The following PLEKHA1 variants were observed in gnomAD, a reference collection of about 807,000 sequenced individuals.
PLEKHA1 encodes pleckstrin homology domain-containing family A member 1.
A neutral mutation model predicts 52.0 loss-of-function variants in PLEKHA1; 34 were observed. The ratio of observed to expected loss-of-function variants is 0.65; its 90% CI spans 0.50 to 0.87. The LOEUF (loss-of-function observed/expected upper bound fraction) is 0.87, where lower values mean the gene tolerates loss of function less well. Ranked by LOEUF, PLEKHA1 falls within the 40% of genes least tolerant of loss-of-function variation. The pLI, the probability that PLEKHA1 is intolerant of heterozygous loss-of-function variation, is 0.00. For missense variants in PLEKHA1, 497 were observed against 504.2 expected (o/e 0.99, Z 0.14); for synonymous variants, 163 against 170.7 (o/e 0.95, Z 0.35).
chr10:122,417,347 A>G (rs77631193), intron 7 of PLEKHA1, among the ~76,000 whole-genome samples: 2 of 151,838 alleles, frequency 1.3e-5, no homozygotes, highest in African/African-American at 2.4e-5. Context: ...AAAAAGTTTC[A>G]ACATTAAAAA....
intron 3 of PLEKHA1, among the ~76,000 whole-genome samples, chr10:122,399,276 G>T (rs527318788): frequency 2.6e-4 from 40 of 152,250 alleles, no homozygotes; most frequent in Middle Eastern, 3.4e-3. Flanking sequence ...CCTTTTGAAG[G>T]TGCAAAACGG....
chr10:122,402,024 T>A (rs1425602364), intron 4 of PLEKHA1, among the ~76,000 whole-genome samples: 1 of 152,214 alleles, frequency 6.6e-6, no homozygotes, highest in Non-Finnish European at 1.5e-5. Context: ...ATTATAATTT[T>A]GGTTACGAAA....
intron 4 of PLEKHA1, among the ~76,000 whole-genome samples, chr10:122,401,319 TTTTG>T (rs781772067): frequency 1.2e-4 from 18 of 151,596 alleles, no homozygotes; most frequent in East Asian, 3.9e-4. Flanking sequence ...TGAAGGAGGG[TTTTG>T]TTTGTTTGTT....
At chr10:122,388,419 T>C (rs1055999562) in intron 1 of PLEKHA1, among the ~76,000 whole-genome samples, 1 of 152,212 alleles carries the variant, frequency 6.6e-6, no homozygotes, top group Non-Finnish European at 1.5e-5. Flanking sequence ...TTCCACCTTT[T>C]GGCTATTTGT....
chr10:122,441,233 G>A, the PLEKHA1 span: 1 of 152,212 alleles, frequency 6.6e-6, no homozygotes, highest in Non-Finnish European at 1.5e-5. Flanking sequence ...ACTTTGGGAA[G>A]CCGAGGCGAG....
intron 1 of PLEKHA1, among the ~76,000 whole-genome samples, chr10:122,388,654 T>TA (rs1202946677): frequency 3.3e-5 from 5 of 152,212 alleles, no homozygotes; most frequent in Non-Finnish European, 7.3e-5. Flanking sequence ...GCATTATATG[T>TA]AAAAAATGTA....
chr10:122,391,083 T>A, intron 1 of PLEKHA1, among the ~76,000 whole-genome samples: 1 of 152,096 alleles, frequency 6.6e-6, no homozygotes, highest in Non-Finnish European at 1.5e-5. Flanking sequence ...TGACCATTTG[T>A]TTATCTTCTT....
intron 5 of PLEKHA1, among the ~76,000 whole-genome samples, chr10:122,410,457 A>C (rs545876096): frequency 1.3e-5 from 2 of 152,298 alleles, no homozygotes; most frequent in Admixed American, 1.3e-4. Flanking sequence ...GGTTTGGGGC[A>C]GGGGTGTGTC....
At chr10:122,394,293 G>A (rs117835675) in intron 2 of PLEKHA1, among the ~76,000 whole-genome samples, 4,193 of 151,900 alleles carry the variant, frequency 0.028, 202 homozygotes, top group Admixed American at 0.14. Flanking sequence ...CCAGGCTGGT[G>A]TTGAACTCCT....
chr10:122,428,453 C>G, intron 11 of PLEKHA1: 2 of 1,379,708 alleles, frequency 1.4e-6, no homozygotes, highest in Non-Finnish European at 1.9e-6. Context: ...TTGCAGTTAT[C>G]ATAACTGATT....
intron 2 of PLEKHA1, among the ~76,000 whole-genome samples, chr10:122,395,402 C>A (rs2096836720): frequency 6.6e-6 from 1 of 152,058 alleles, no homozygotes; most frequent in South Asian, 2.1e-4. Flanking sequence ...CTTGGTGTCA[C>A]TTTTAAATGT....
intron 7 of PLEKHA1, among the ~76,000 whole-genome samples, chr10:122,416,670 AT>A (rs1463141832): frequency 6.6e-6 from 1 of 152,212 alleles, no homozygotes; most frequent in Admixed American, 6.5e-5. Context: ...AAATTTACCA[AT>A]ATTTCTAAGG....
At chr10:122,433,544 A>T (rs991036945), downstream of PLEKHA1, 1 of 151,272 alleles carries the variant, frequency 6.6e-6, no homozygotes, top group African/African-American at 2.4e-5. Flanking sequence ...TTTTTTTCTC[A>T]GTCTTTTTCT....
In PLEKHA1 at chr10:122,383,325, T is replaced by C. The variant is rs201041298; in HGVS notation, c.-21+8519T>C. ...TTTCTTTCTTTCTGTTTTTTTTTTT[T>C]CTTTTTTTTTTTTAGAATGGGTCTT... is the stretch of plus-strand genomic sequence containing the variant. On this transcript the variant is annotated intron_variant, in intron 1 of 11. Transcript: ENST00000368990. Among the ~76,000 whole-genome samples, 680 of 106,246 alleles carry C rather than the reference T, an allele frequency of 6.4e-3. 4 individuals are homozygous for C. Among genetic ancestry groups the C allele is most frequent in the Non-Finnish European group, 0.011 (451 of 42,064 alleles). 69.7% of individuals were successfully genotyped at this position (106,246 alleles called of 152,430 possible).
intron 1 of PLEKHA1, among the ~76,000 whole-genome samples, chr10:122,381,623 A>G (rs2096616507): frequency 6.6e-6 from 1 of 152,154 alleles, no homozygotes. Context: ...CAGACTGTGG[A>G]ACTGTGAGCT....
intron 1 of PLEKHA1, among the ~76,000 whole-genome samples, chr10:122,384,474 G>A (rs557921123): frequency 2.6e-5 from 4 of 152,078 alleles, no homozygotes; most frequent in African/African-American, 9.6e-5. Flanking sequence ...CGGGTGAGGT[G>A]GTGGGCGCCT....
chr10:122,416,750 ATTAACT>A (rs1324541112), intron 7 of PLEKHA1, among the ~76,000 whole-genome samples: 2 of 152,312 alleles, frequency 1.3e-5, no homozygotes, highest in African/African-American at 4.8e-5. Context: ...TCATGAGAAA[ATTAACT>A]TTAAAGTTTG....
At chr10:122,421,141 A>T (rs1323165011) in intron 8 of PLEKHA1, 1 of 926 alleles carries the variant, frequency 1.1e-3, no homozygotes, top group Non-Finnish European at 1.8e-3. Flanking sequence ...GGCAGATACC[A>T]CTTTACTCAG....
intron 6 of PLEKHA1, among the ~76,000 whole-genome samples, chr10:122,414,508 A>G (rs1435390373): frequency 4.3e-4 from 66 of 152,170 alleles, no homozygotes; most frequent in Non-Finnish European, 2.9e-5. Context: ...GAGGATGAAA[A>G]GAAAAGCTAC....
Sources: allele counts gnomAD v4.1 joint callset (sites outside exome capture counted in the v4.1 genomes callset), GRCh38; gene constraint gnomAD v4.1.1; transcripts MANE v1.5; gene names NCBI Gene and HGNC (gene_info 2026-07-23, HGNC 2026-07-21).